The following PRR33 variants were observed in gnomAD, a reference collection of about 807,000 sequenced individuals.
The protein encoded by PRR33 is proline-rich protein 33.
In PRR33, 1 loss-of-function variant was observed where a neutral mutation model predicts 0.5. The ratio of observed to expected loss-of-function variants is 2.18; its 90% CI spans 0.77 to 10.34. The LOEUF (loss-of-function observed/expected upper bound fraction) is 10.34. Ranked by LOEUF, PRR33 falls within the 30% of genes most tolerant of loss-of-function variation. The probability of loss-of-function intolerance (pLI) is 0.13; values close to 1 mark genes in which losing one functional copy is unlikely to be tolerated. For synonymous variants in PRR33, 226 were observed against 110.0 expected (o/e 2.06, Z -6.60); for missense variants, 552 against 251.8 (o/e 2.19, Z -8.07).
chr11:1,898,424 A>C, the PRR33 span, among the ~76,000 whole-genome samples: 19 of 151,908 alleles, frequency 1.3e-4, no homozygotes, highest in Non-Finnish European at 2.8e-4. Flanking sequence ...TTTAGTAGAG[A>C]TAGGGTTTTG....
chr11:1,912,400 C>T, the PRR33 span, among the ~76,000 whole-genome samples: 1 of 151,990 alleles, frequency 6.6e-6, no homozygotes, highest in Non-Finnish European at 1.5e-5. Context: ...TGTTCTATTT[C>T]TCCTGGGAAT....
chr11:1,902,054 G>A, the PRR33 span, among the ~76,000 whole-genome samples: 1 of 152,012 alleles, frequency 6.6e-6, no homozygotes, highest in Non-Finnish European at 1.5e-5. Context: ...AACATGGTGA[G>A]ATCCCGTCTC....
At chr11:1,901,198 G>C in the PRR33 span, among the ~76,000 whole-genome samples, 7 of 152,122 alleles carry the variant, frequency 4.6e-5, no homozygotes, top group Non-Finnish European at 8.8e-5. Context: ...TGTAATCCCA[G>C]TTACTTGGGA....
the PRR33 span, among the ~76,000 whole-genome samples, chr11:1,901,333 A>G: frequency 6.6e-6 from 1 of 151,916 alleles, no homozygotes; most frequent in African/African-American, 2.4e-5. Flanking sequence ...AAAAGGCAAG[A>G]TGGAGTCAAT....
At chr11:1,907,542 G>A in the PRR33 span, among the ~76,000 whole-genome samples, 1 of 152,154 alleles carries the variant, frequency 6.6e-6, no homozygotes, top group African/African-American at 2.4e-5. Flanking sequence ...CTCCCCAGTA[G>A]TTGGGATTAC....
At chr11:1,908,262 G>A in the PRR33 span, among the ~76,000 whole-genome samples, 5 of 152,126 alleles carry the variant, frequency 3.3e-5, no homozygotes, top group African/African-American at 9.7e-5. Context: ...CCGTTCCTTC[G>A]TGTTTCTCCT....
Position 1,890,110 on chromosome 11 carries a change from C to T in PRR33, c.475G>A (p.Glu159Lys), listed in dbSNP as rs73410979. The stretch of plus-strand genomic sequence containing the variant: ...AAGCCACTGGGGGGCCGGGTAGGTT[C>T]TGGGGCCGAGGCTACAACCTGGGGC... Residue 159 changes from glutamate (E) to lysine (K), a missense_variant, in exon 1 of 1, where the codon GAA becomes AAA. Transcript: ENST00000640310. 0.011 allele frequency: 7,627 copies of T among 717,004 alleles called. 380 individuals are homozygous for T. The African/African-American group carries it at 0.11, about 10-fold the overall frequency. The allele number at this position is 717,004 out of a possible 1,614,324, so 44.4% of individuals were successfully genotyped here.
the PRR33 span, among the ~76,000 whole-genome samples, chr11:1,902,033 C>T: frequency 6.6e-6 from 1 of 151,964 alleles, no homozygotes; most frequent in African/African-American, 2.4e-5. Flanking sequence ...GAGATCGAGA[C>T]CATCCTGGCT....
chr11:1,890,408 G>C lies in PRR33; in HGVS notation c.177C>G (p.Pro59=), dbSNP rs761714185. The change falls in exon 1 of 1, where the codon CCC becomes CCG. Residue 59 remains proline, a synonymous_variant. Transcript: ENST00000640310. ...GGGACAGGGAGGTGCGGAAGGCCCT[G>C]GGTGGAGCGAGGTGTGTGCCTCCCA... The C allele has an allele frequency of 3.2e-5, 23 of 717,088 alleles. No individual in the cohort carries two copies. The Middle Eastern group carries it at 1.8e-3, about 57-fold the overall frequency. 44.4% of individuals were successfully genotyped at this position (717,088 alleles called of 1,614,324 possible).
chr11:1,891,836 GAC>G lies in PRR33; in HGVS notation c.-1254_-1253del. The G allele has an allele frequency of 6.6e-6, 1 of 152,538 alleles. No homozygotes were observed. The highest frequency in any genetic ancestry group is 1.5e-5 in the Non-Finnish European group (1 of 68,238). The allele number at this position is 152,538 out of a possible 1,614,324, so 9.4% of individuals were successfully genotyped here. A position where few individuals can be genotyped will look rare whatever the true frequency, so the allele number is the denominator to read the frequency against. On this transcript the variant is annotated 5_prime_UTR_variant, in exon 1 of 1. The change abolishes the stop of an existing upstream ORF in the 5' untranslated region. Transcript: ENST00000640310. Reference sequence around the variant, plus strand: ...ATGTACCCAGGGGAGATTCCAGCCAGACACCCGCCCCCCGGCCCTGGCTAAGA... The same window carrying G: ...ATGTACCCAGGGGAGATTCCAGCCAGACCCGCCCCCCGGCCCTGGCTAAGA...
the PRR33 span, among the ~76,000 whole-genome samples, chr11:1,902,173 A>G: frequency 1.3e-5 from 2 of 151,394 alleles, no homozygotes; most frequent in African/African-American, 2.4e-5. Flanking sequence ...CGGAGCTTGC[A>G]GTGAGCAGAG....
At chr11:1,912,911 A>T in the PRR33 span, among the ~76,000 whole-genome samples, 1 of 151,942 alleles carries the variant, frequency 6.6e-6, no homozygotes, top group East Asian at 1.9e-4. Context: ...CCCGGCCAAC[A>T]CAGCAGCAAT....
the PRR33 span, among the ~76,000 whole-genome samples, chr11:1,913,106 C>T: frequency 1.3e-5 from 2 of 151,416 alleles, no homozygotes; most frequent in Admixed American, 1.3e-4. Context: ...GTAATCCATA[C>T]TTTGTTTTCT....
chr11:1,898,923 C>T, the PRR33 span, among the ~76,000 whole-genome samples: 1 of 152,090 alleles, frequency 6.6e-6, no homozygotes, highest in East Asian at 1.9e-4. Flanking sequence ...ATCGCTTGAA[C>T]CTGGGAGGCA....
At chr11:1,911,401 C>T in the PRR33 span, among the ~76,000 whole-genome samples, 1 of 152,014 alleles carries the variant, frequency 6.6e-6, no homozygotes, top group Admixed American at 6.5e-5. Flanking sequence ...GAGATTGTGC[C>T]ACTGCACCCC....
chr11:1,912,189 TA>T, the PRR33 span, among the ~76,000 whole-genome samples: 3 of 151,572 alleles, frequency 2.0e-5, no homozygotes, highest in Non-Finnish European at 4.4e-5. Flanking sequence ...AAGGTAAAAT[TA>T]AAAAAATAAT....
In PRR33 at chr11:1,889,628, G is replaced by T; in HGVS notation, c.957C>A (p.Thr319=). 3.3e-6 allele frequency: 2 copies of T among 615,310 alleles called. 1 individual carries two copies. Among genetic ancestry groups the T allele is most frequent in the South Asian group, 3.9e-5 (2 of 51,832 alleles). 38.1% of individuals were successfully genotyped at this position (615,310 alleles called of 1,614,324 possible). ...GGCATGGGTGAGGGCCTGATGGTGG[G>T]GTAGGGGATGAGGCCCAGGCAGGGC... Residue 319 remains threonine (T), a synonymous_variant, in exon 1 of 1, where the codon ACC becomes ACA. Coordinates refer to ENST00000640310, the Ensembl canonical transcript of PRR33.
At chr11:1,914,235 G>C in the PRR33 span, among the ~76,000 whole-genome samples, 4 of 151,868 alleles carry the variant, frequency 2.6e-5, no homozygotes, top group South Asian at 8.3e-4. Flanking sequence ...TTCTGTGTGT[G>C]TGTGTGTGTT....
chr11:1,905,742 C>G, the PRR33 span, among the ~76,000 whole-genome samples: 4 of 152,002 alleles, frequency 2.6e-5, no homozygotes, highest in African/African-American at 7.2e-5. Context: ...GTGTGAGCCA[C>G]CACACCTGGC....
Sources: gnomAD v4.1 joint callset for allele counts (sites outside exome capture counted in the v4.1 genomes callset) on GRCh38, gnomAD v4.1.1 for gene constraint, MANE v1.5 for transcripts, NCBI Gene and HGNC (gene_info 2026-07-23, HGNC 2026-07-21) for gene names.